TENM2: variants seen among roughly 807,000 people sequenced by gnomAD.
TENM2 encodes the protein teneurin-2.
In TENM2, 52 loss-of-function variants were observed where a neutral mutation model predicts 245.2. The ratio of observed to expected loss-of-function variants is 0.21; its 90% CI spans 0.17 to 0.27. The LOEUF is 0.27. Among genes scored for constraint, TENM2 ranks in the 10% least tolerant of loss-of-function variants. The pLI, the probability that TENM2 is intolerant of heterozygous loss-of-function variation, is 1.00. For synonymous variants in TENM2, 1,363 were observed against 1,438.9 expected (o/e 0.95, Z 1.19); for missense variants, 3,046 against 3,666.8 (o/e 0.83, Z 4.37).
the TENM2 span, among the ~76,000 whole-genome samples, chr5:167,100,666 G>A: frequency 6.6e-6 from 1 of 151,988 alleles, no homozygotes. Context: ...CTGGTGCCCG[G>A]GAAGCAAATT....
intron 12 of TENM2, among the ~76,000 whole-genome samples, chr5:168,160,689 A>C (rs980554053): frequency 1.3e-5 from 2 of 152,144 alleles, no homozygotes; most frequent in African/African-American, 4.8e-5. Flanking sequence ...TTAATTGTAT[A>C]CCCTTGAGAC....
chr5:167,686,485 G>A (rs1228270444), intron 2 of TENM2, among the ~76,000 whole-genome samples: 1 of 152,144 alleles, frequency 6.6e-6, no homozygotes, highest in Non-Finnish European at 1.5e-5. Flanking sequence ...TTTAGGTAGT[G>A]TCTGCATAGT....
intron 19 of TENM2, among the ~76,000 whole-genome samples, chr5:168,206,606 A>G (rs1022896026): frequency 7.2e-5 from 11 of 152,220 alleles, no homozygotes; most frequent in Admixed American, 4.6e-4. Flanking sequence ...GAGGCCAGGT[A>G]GCCCTCACGC....
intron 1 of TENM2, among the ~76,000 whole-genome samples, chr5:167,328,623 G>T (rs1757239121): frequency 1.3e-5 from 2 of 152,112 alleles, no homozygotes; most frequent in African/African-American, 4.8e-5. Context: ...CCTTCTCCCA[G>T]CATTCAAATA....
chr5:167,002,316 T>C, the TENM2 span, among the ~76,000 whole-genome samples: 2 of 152,158 alleles, frequency 1.3e-5, no homozygotes, highest in East Asian at 1.9e-4. Context: ...CTTACTAAAA[T>C]AGAAAGTTAA....
In TENM2 at chr5:167,767,343, G is replaced by A. The variant is rs138317233; in HGVS notation, c.503-108643G>A. ...TTCTACTTAAATGAGACATCTTAGA[G>A]TAGTCAGATTCATTGACATAGAAGA... is the stretch of plus-strand genomic sequence containing the variant. On this transcript the variant is annotated intron_variant, in intron 2 of 28. Coordinates refer to ENST00000518659, the Ensembl canonical transcript of TENM2. Among the ~76,000 whole-genome samples, 6 of 152,314 alleles carry A rather than the reference G, an allele frequency of 3.9e-5. No individual in the cohort carries two copies. In the East Asian group the frequency reaches 1.2e-3, roughly 29 times the overall value.
intron 5 of TENM2, among the ~76,000 whole-genome samples, chr5:168,042,288 A>G (rs909467046): frequency 5.9e-5 from 9 of 152,090 alleles, no homozygotes; most frequent in African/African-American, 1.9e-4. Flanking sequence ...CGCGTTATGT[A>G]TCGACAAGTC....
At chr5:167,881,006 A>G (rs1318728750) in intron 3 of TENM2, among the ~76,000 whole-genome samples, 1 of 152,168 alleles carries the variant, frequency 6.6e-6, no homozygotes. Flanking sequence ...TCCTCTCATG[A>G]AAACTTCAGG....
At chr5:167,708,474 A>G (rs1456365736) in intron 2 of TENM2, among the ~76,000 whole-genome samples, 1 of 152,162 alleles carries the variant, frequency 6.6e-6, no homozygotes, top group Non-Finnish European at 1.5e-5. Context: ...TTGAAGCTAG[A>G]CAGGGCCATA....
chr5:167,664,476 C>T (rs1297709785), intron 2 of TENM2, among the ~76,000 whole-genome samples: 1 of 152,102 alleles, frequency 6.6e-6, no homozygotes, highest in East Asian at 1.9e-4. Flanking sequence ...TCACACTCAG[C>T]CCCTGAAAGC....
the TENM2 span, among the ~76,000 whole-genome samples, chr5:167,174,379 T>C: frequency 2.8e-3 from 428 of 152,300 alleles, 2 homozygotes; most frequent in African/African-American, 9.8e-3. Context: ...AGATTTGTTT[T>C]GGGGCTCTCT....
At chr5:167,243,086 C>T in the TENM2 span, among the ~76,000 whole-genome samples, 14 of 151,516 alleles carry the variant, frequency 9.2e-5, no homozygotes, top group Admixed American at 3.3e-4. Flanking sequence ...ACACAAAGGG[C>T]TTCTAGATTT....
intron 5 of TENM2, among the ~76,000 whole-genome samples, chr5:168,023,982 TAG>T (rs557468398): frequency 2.8e-4 from 42 of 152,262 alleles, no homozygotes; most frequent in African/African-American, 9.9e-4. Flanking sequence ...TATACATATA[TAG>T]AGAGAGATAT....
At chr5:167,650,644 T>A (rs1754397193) in intron 2 of TENM2, among the ~76,000 whole-genome samples, 1 of 152,106 alleles carries the variant, frequency 6.6e-6, no homozygotes, top group Non-Finnish European at 1.5e-5. Flanking sequence ...CAGATGATAC[T>A]GGGAGACAAA....
intron 3 of TENM2, among the ~76,000 whole-genome samples, chr5:167,894,440 A>G (rs1202292808): frequency 1.7e-5 from 2 of 118,950 alleles, no homozygotes; most frequent in Admixed American, 1.9e-4. Flanking sequence ...AGCTCCTTCC[A>G]TTCTCCTTTT....
chr5:167,980,302 G>C (rs530970677), intron 4 of TENM2, among the ~76,000 whole-genome samples: 1 of 152,320 alleles, frequency 6.6e-6, no homozygotes, highest in Non-Finnish European at 1.5e-5. Flanking sequence ...CTGTAACCTT[G>C]GACAAGGTAG....
At chr5:167,042,184 A>G in the TENM2 span, among the ~76,000 whole-genome samples, 1 of 152,362 alleles carries the variant, frequency 6.6e-6, no homozygotes, top group Non-Finnish European at 1.5e-5. Flanking sequence ...TTTTGACATT[A>G]ACATTAATCA....
chr5:167,430,475 A>C (rs935268659), intron 2 of TENM2, among the ~76,000 whole-genome samples: 1 of 151,938 alleles, frequency 6.6e-6, no homozygotes, highest in African/African-American at 2.4e-5. Context: ...TAATATCTGA[A>C]ATTTTTGACA....
At chr5:167,437,026 C>T (rs1336171048) in intron 2 of TENM2, among the ~76,000 whole-genome samples, 1 of 152,200 alleles carries the variant, frequency 6.6e-6, no homozygotes, top group East Asian at 1.9e-4. Flanking sequence ...AGAGTCCCTA[C>T]TGGGGCACCG....
Sources: gnomAD v4.1 joint callset for allele counts (sites outside exome capture counted in the v4.1 genomes callset) on GRCh38, gnomAD v4.1.1 for gene constraint, MANE v1.5 for transcripts, NCBI Gene and HGNC (gene_info 2026-07-23, HGNC 2026-07-21) for gene names.